The following HSP90AA1 variants were observed in gnomAD, a reference collection of about 807,000 sequenced individuals.
HSP90AA1 encodes the protein heat shock protein HSP 90-alpha.
In HSP90AA1, 18 loss-of-function variants were observed where a neutral mutation model predicts 73.3. That is an observed-to-expected ratio of 0.25 (90% CI 0.17 to 0.36). The LOEUF (loss-of-function observed/expected upper bound fraction) is 0.36. HSP90AA1 is among the 10% of genes least tolerant of loss of function. HSP90AA1 has a pLI of 1.00. For missense variants in HSP90AA1, 704 were observed against 874.2 expected, an observed-to-expected ratio of 0.81 and a Z score of 2.45; for synonymous variants, 477 against 296.9, an observed-to-expected ratio of 1.61 and a Z score of -6.24.
chr14:102,100,452 T>C (rs1230241293), intron 2 of HSP90AA1, among the ~76,000 whole-genome samples: 1 of 145,246 alleles, frequency 6.9e-6, no homozygotes, highest in African/African-American at 2.6e-5. Context: ...TGAGATGGAG[T>C]TTCACTCCTG....
At chr14:102,085,668 T>C (rs1037198969) in intron 3 of HSP90AA1, 90 bp downstream of exon 3, 2 of 1,579,840 alleles carry the variant, frequency 1.3e-6, no homozygotes, top group Non-Finnish European at 1.7e-6. Flanking sequence ...ACACAAATTC[T>C]GTAAGCTTCA....
chr14:102,081,522 C>A lies in HSP90AA1; in HGVS notation c.*190G>T. The stretch of plus-strand genomic sequence containing the variant: ...CCAACATGAAACTCAAAAAGCATTA[C>A]TAGCTCTGCTTTAGTGCCTAAGGTA... On this transcript the variant is annotated 3_prime_UTR_variant, in exon 11 of 11. Coordinates refer to ENST00000216281, the MANE Select transcript of HSP90AA1 (RefSeq NM_005348.4). 1 of 609,226 alleles carries A rather than the reference C, an allele frequency of 1.6e-6. No homozygotes were observed. The highest frequency in any genetic ancestry group is 2.9e-6 in the Non-Finnish European group (1 of 343,242). The allele number at this position is 609,226 out of a possible 1,614,324, so 37.7% of individuals were successfully genotyped here.
intron 1 of HSP90AA1, among the ~76,000 whole-genome samples, chr14:102,119,237 T>C (rs2049744407): frequency 6.6e-6 from 1 of 152,204 alleles, no homozygotes; most frequent in Non-Finnish European, 1.5e-5. Flanking sequence ...TAGTTTGTAA[T>C]TTAATGAAAT....
At chr14:102,087,618 T>G (rs1005164155), upstream of HSP90AA1, among the ~76,000 whole-genome samples, 6 of 152,136 alleles carry the variant, frequency 3.9e-5, no homozygotes, top group Admixed American at 3.3e-4. Context: ...GGCGCCGGGA[T>G]CGCGGGGCTC....
intron 1 of HSP90AA1, among the ~76,000 whole-genome samples, chr14:102,107,723 G>A (rs557731403): frequency 1.3e-5 from 2 of 152,124 alleles, no homozygotes; most frequent in East Asian, 3.9e-4. Context: ...GACAGCTGGT[G>A]TGGCTGTTCT....
chr14:102,089,814 C>T (rs1474310703), upstream of HSP90AA1, among the ~76,000 whole-genome samples: 1 of 152,204 alleles, frequency 6.6e-6, no homozygotes, highest in Non-Finnish European at 1.5e-5. Flanking sequence ...CTTCTGCCTC[C>T]TAAGTACCTC....
intron 1 of HSP90AA1, among the ~76,000 whole-genome samples, chr14:102,103,862 G>A (rs2049528603): frequency 6.6e-6 from 1 of 151,694 alleles, no homozygotes; most frequent in Non-Finnish European, 1.5e-5. Flanking sequence ...AAATTAGCCA[G>A]GTGTGGCGGT....
chr14:102,110,221 C>T (rs533904495), intron 1 of HSP90AA1, among the ~76,000 whole-genome samples: 3 of 152,240 alleles, frequency 2.0e-5, no homozygotes, highest in Admixed American at 2.0e-4. Context: ...GTGTGAGCCA[C>T]CGCACCCGGC....
Position 102,081,735 on chromosome 14 carries a change from A to G in HSP90AA1, c.2176T>C (p.Ser726Pro). 1.3e-6 allele frequency: 2 copies of G among 1,554,886 alleles called. No homozygotes were observed. Among genetic ancestry groups the G allele is most frequent in the Non-Finnish European group, 8.9e-7 (1 of 1,126,058 alleles). Residue 726 changes from serine to proline, a missense_variant, in exon 11 of 11, where the codon TCA becomes CCA. Coordinates refer to ENST00000216281, the MANE Select transcript of HSP90AA1 (RefSeq NM_005348.4). The stretch of plus-strand genomic sequence containing the variant: ...GATTAGTCTACTTCTTCCATGCGTG[A>G]TGTGTCGTCATCTCCTTCAAGGGGT... ...MPPLEGDDDT[S>P]RMEEVD is the part of the protein sequence containing the mutation.
exon 1 of HSP90AA1, chr14:102,139,534 C>G: frequency 1.0e-6 from 1 of 953,162 alleles, no homozygotes. Context: ...GAGGCACCCT[C>G]AAGTTCACCT....
intron 1 of HSP90AA1, among the ~76,000 whole-genome samples, chr14:102,086,706 G>A (rs2049247798): frequency 6.6e-6 from 1 of 150,688 alleles, no homozygotes; most frequent in South Asian, 2.1e-4. Flanking sequence ...GGGGCCGGGC[G>A]GGGGACCCCC....
chr14:102,099,421 G>A (rs1467341609), intron 2 of HSP90AA1, among the ~76,000 whole-genome samples: 2 of 152,174 alleles, frequency 1.3e-5, no homozygotes, highest in Non-Finnish European at 2.9e-5. Context: ...AGCCAGGTGC[G>A]GTGGCGCATG....
Position 102,130,024 on chromosome 14 carries a change from G to A in HSP90AA1, c.155+9226C>T, listed in dbSNP as rs942485153. On this transcript the variant is annotated intron_variant, in intron 1 of 11. Coordinates refer to the HSP90AA1 transcript ENST00000334701. ...CTCGCTCTGTCGCCCAGGCTGAAGTGCAATGGTGTGATCTCGGCTCACTGC... is the reference window on the plus strand; with the variant it reads ...CTCGCTCTGTCGCCCAGGCTGAAGTACAATGGTGTGATCTCGGCTCACTGC... Among the ~76,000 whole-genome samples the A allele has an allele frequency of 2.0e-5, 3 of 151,832 alleles. No homozygotes were observed. In the East Asian group the frequency reaches 5.8e-4, roughly 29 times the overall value.
intron 2 of HSP90AA1, among the ~76,000 whole-genome samples, chr14:102,101,678 A>G (rs1030589093): frequency 5.9e-5 from 9 of 152,106 alleles, no homozygotes; most frequent in African/African-American, 2.2e-4. Flanking sequence ...GGGACCTGGG[A>G]CTCTCTTGGA....
Position 102,085,223 on chromosome 14 carries a change from G to C in HSP90AA1, c.663+75C>G, listed in dbSNP as rs1188561889. Reference sequence around the variant, plus strand: ...GCTTCAGACTAGTTGAACAGATCTAGGGACTAAGGATGTAGTACAGTCACC... The same window carrying C: ...GCTTCAGACTAGTTGAACAGATCTACGGACTAAGGATGTAGTACAGTCACC... On this transcript the variant is annotated intron_variant, in intron 4 of 10. Coordinates refer to ENST00000216281, the MANE Select transcript of HSP90AA1 (RefSeq NM_005348.4). 3.3e-6 allele frequency: 5 copies of C among 1,505,866 alleles called. No individual in the cohort carries two copies. In the South Asian group the frequency reaches 3.4e-5, roughly 10 times the overall value. The allele number at this position is 1,505,866 out of a possible 1,614,324, so 93.3% of individuals were successfully genotyped here. A position where few individuals can be genotyped will look rare whatever the true frequency, so the allele number is the denominator to read the frequency against.
chr14:102,087,776 AG>A (rs2049282453), upstream of HSP90AA1, among the ~76,000 whole-genome samples: 1 of 152,098 alleles, frequency 6.6e-6, no homozygotes, highest in Admixed American at 6.5e-5. Context: ...TTCATACTTA[AG>A]GGTCCCTTAG....
chr14:102,083,727 T>C (rs1225298815), intron 7 of HSP90AA1, 34 bp from the exon 8 acceptor site: 3 of 1,541,868 alleles, frequency 1.9e-6, no homozygotes, highest in Non-Finnish European at 1.8e-6. Flanking sequence ...AAAGACTTTC[T>C]GAATTAAAAA....
chr14:102,087,869 CG>C (rs1488002536), upstream of HSP90AA1, among the ~76,000 whole-genome samples: 2 of 151,606 alleles, frequency 1.3e-5, no homozygotes, highest in African/African-American at 4.8e-5. Flanking sequence ...ATCGTTTTGC[CG>C]ACCGATTTGC....
intron 1 of HSP90AA1, among the ~76,000 whole-genome samples, chr14:102,137,614 C>T (rs776432484): frequency 2.6e-5 from 4 of 152,078 alleles, no homozygotes; most frequent in Admixed American, 6.5e-5. Context: ...TGAGCCAACA[C>T]GCCCAGCCAT....
Sources: gnomAD v4.1 joint callset for allele counts (sites outside exome capture counted in the v4.1 genomes callset) on GRCh38, gnomAD v4.1.1 for gene constraint, MANE v1.5 for transcripts, NCBI Gene and HGNC (gene_info 2026-07-23, HGNC 2026-07-21) for gene names.